The following SPMIP11 variants were observed in gnomAD, a reference collection of about 807,000 sequenced individuals.
SPMIP11 encodes long intergenic non-protein coding RNA 935.
chr12:48,732,338 C>A, the SPMIP11 span, among the ~76,000 whole-genome samples: 1 of 152,102 alleles, frequency 6.6e-6, no homozygotes, highest in East Asian at 1.9e-4. Flanking sequence ...GTATCTTGAA[C>A]TAAATATGAC....
At chr12:48,738,558 G>C in the SPMIP11 span, among the ~76,000 whole-genome samples, 2 of 146,998 alleles carry the variant, frequency 1.4e-5, no homozygotes, top group African/African-American at 5.1e-5. Flanking sequence ...TTTTTGAGAT[G>C]GAGTCTCACT....
At chr12:48,751,072 A>G in the SPMIP11 span, among the ~76,000 whole-genome samples, 1 of 152,158 alleles carries the variant, frequency 6.6e-6, no homozygotes, top group Non-Finnish European at 1.5e-5. Context: ...TTTTCCTTGA[A>G]GAACGATAGG....
At chr12:48,759,149 G>T in the SPMIP11 span, 3 of 696,348 alleles carry the variant, frequency 4.3e-6, no homozygotes, top group African/African-American at 3.5e-5. Context: ...GGAGACCAGG[G>T]AATCAGAGAA....
At chr12:48,749,323 G>A in the SPMIP11 span, among the ~76,000 whole-genome samples, 457 of 148,728 alleles carry the variant, frequency 3.1e-3, 1 homozygote, top group Non-Finnish European at 3.9e-3. Context: ...TCTGTTCCCC[G>A]TAGACATAAG....
At chr12:48,755,457 C>T in the SPMIP11 span, among the ~76,000 whole-genome samples, 1 of 152,176 alleles carries the variant, frequency 6.6e-6, no homozygotes, top group Non-Finnish European at 1.5e-5. Context: ...CCAGAACATG[C>T]CCTTTCCCAG....
chr12:48,741,492 T>C, the SPMIP11 span, among the ~76,000 whole-genome samples: 1 of 152,168 alleles, frequency 6.6e-6, no homozygotes, highest in Non-Finnish European at 1.5e-5. Flanking sequence ...CAGTCCATCA[T>C]ATCGGGAGGC....
At chr12:48,744,220 C>T in the SPMIP11 span, among the ~76,000 whole-genome samples, 2 of 138,394 alleles carry the variant, frequency 1.4e-5, no homozygotes, top group Non-Finnish European at 3.0e-5. Context: ...TGCACTCCAG[C>T]GTGGGCAACA....
the SPMIP11 span, chr12:48,768,588 C>T: frequency 6.2e-7 from 1 of 1,614,140 alleles, no homozygotes; most frequent in Non-Finnish European, 8.5e-7. Context: ...TGGCTGGGCC[C>T]TGTTAACTGC....
chr12:48,753,594 C>G, the SPMIP11 span, among the ~76,000 whole-genome samples: 1 of 151,896 alleles, frequency 6.6e-6, no homozygotes, highest in African/African-American at 2.4e-5. Context: ...TCTGAGCTGC[C>G]TCTTTGGTGA....
the SPMIP11 span, chr12:48,759,245 T>C: frequency 4.3e-6 from 3 of 702,964 alleles, no homozygotes; most frequent in Non-Finnish European, 7.8e-6. Context: ...CTTCCCCCCA[T>C]TATCTCAAAA....
chr12:48,748,175 C>A, the SPMIP11 span, among the ~76,000 whole-genome samples: 1 of 152,158 alleles, frequency 6.6e-6, no homozygotes, highest in Non-Finnish European at 1.5e-5. Context: ...ATTTAACATT[C>A]CACTCCATTC....
chr12:48,754,911 C>T, the SPMIP11 span, among the ~76,000 whole-genome samples: 1 of 152,186 alleles, frequency 6.6e-6, no homozygotes, highest in African/African-American at 2.4e-5. Context: ...CATACCTCAG[C>T]CTCCCAAAGT....
the SPMIP11 span, among the ~76,000 whole-genome samples, chr12:48,757,956 T>C: frequency 1.3e-5 from 2 of 152,060 alleles, no homozygotes; most frequent in Non-Finnish European, 2.9e-5. Flanking sequence ...ATCATGCCAC[T>C]GCACTCCAGC....
chr12:48,737,230 C>T, the SPMIP11 span, among the ~76,000 whole-genome samples: 19 of 151,968 alleles, frequency 1.3e-4, no homozygotes, highest in African/African-American at 4.6e-4. Flanking sequence ...GGATTACAGG[C>T]GTGAGCCACA....
the SPMIP11 span, among the ~76,000 whole-genome samples, chr12:48,769,855 G>A: frequency 4.9e-4 from 73 of 147,482 alleles, no homozygotes; most frequent in South Asian, 2.6e-3. Context: ...TCCGCCTCCC[G>A]GGTTCACACC....
chr12:48,739,863 C>G, the SPMIP11 span, among the ~76,000 whole-genome samples: 1 of 152,130 alleles, frequency 6.6e-6, no homozygotes, highest in African/African-American at 2.4e-5. Context: ...ATATCACCAG[C>G]CTTCACAGTG....
chr12:48,761,298 A>T, the SPMIP11 span, among the ~76,000 whole-genome samples: 6 of 151,920 alleles, frequency 3.9e-5, no homozygotes. Context: ...AATACAAAAA[A>T]ATGTTAGCCG....
At chr12:48,728,050 A>C in the SPMIP11 span, among the ~76,000 whole-genome samples, 1 of 26,114 alleles carries the variant, frequency 3.8e-5, no homozygotes, top group Non-Finnish European at 9.6e-5. Flanking sequence ...AACCATCTCA[A>C]AAAAAAAAAA....
chr12:48,768,465 A>T, the SPMIP11 span: 1 of 1,369,440 alleles, frequency 7.3e-7, no homozygotes, highest in Non-Finnish European at 1.0e-6. Context: ...GCCTGCTGGG[A>T]TGTTCCCTTT....
Sources: allele counts gnomAD v4.1 joint callset (sites outside exome capture counted in the v4.1 genomes callset), GRCh38; gene constraint gnomAD v4.1.1; transcripts MANE v1.5; gene names NCBI Gene and HGNC (gene_info 2026-07-23, HGNC 2026-07-21).